The following ASAP2 variants were observed in gnomAD, a reference collection of about 807,000 sequenced individuals.
ASAP2 encodes ArfGAP with SH3 domain, ankyrin repeat and PH domain 2.
Under a neutral mutation model 131.4 loss-of-function variants are expected in ASAP2, and 45 were observed. The ratio of observed to expected loss-of-function variants is 0.34; its 90% CI spans 0.27 to 0.44. The LOEUF is 0.44. ASAP2 is among the 20% of genes least tolerant of loss of function. The probability of loss-of-function intolerance (pLI) is 1.00; values close to 1 mark genes in which losing one functional copy is unlikely to be tolerated. For synonymous variants in ASAP2, 510 were observed against 503.0 expected (o/e 1.01, Z -0.19); for missense variants, 1,011 against 1,297.0 (o/e 0.78, Z 3.39).
rs1669316061 is a variant in ASAP2, at chr2:9,311,747, A to T, written c.346-6777A>T. Among the ~76,000 whole-genome samples the T allele has an allele frequency of 6.6e-6, 1 of 152,132 alleles. No homozygotes were observed. Among genetic ancestry groups the T allele is most frequent in the Admixed American group, 6.5e-5 (1 of 15,276 alleles). ...TGCTGGACACACAGAGGAAGCCCAGAGCCTGCCCGCCACTCAGGCTGCAGG... is the reference window on the plus strand; with the variant it reads ...TGCTGGACACACAGAGGAAGCCCAGTGCCTGCCCGCCACTCAGGCTGCAGG... On this transcript the variant is annotated intron_variant, in intron 3 of 27. Coordinates refer to ENST00000281419, the MANE Select transcript of ASAP2 (RefSeq NM_003887.3). The surrounding 1 kb of genome is among the most constrained non-coding windows in gnomAD (Gnocchi z 5.2).
chr2:9,397,750 A>ATATATATTTT (rs1343127000), intron 24 of ASAP2, among the ~76,000 whole-genome samples: 2 of 44,810 alleles, frequency 4.5e-5, no homozygotes, highest in African/African-American at 3.4e-4. Flanking sequence ...ATATATATAT[A>ATATATATTTT]TTTTTTTTTT....
At chr2:9,331,233 C>T (rs187439353) in intron 7 of ASAP2, among the ~76,000 whole-genome samples, 15 of 152,374 alleles carry the variant, frequency 9.8e-5, no homozygotes, top group Admixed American at 9.8e-4. Flanking sequence ...TCAGGTTTGG[C>T]TGTTGACCCT....
chr2:9,396,137 T>C (rs1676130399), intron 24 of ASAP2, among the ~76,000 whole-genome samples: 1 of 152,164 alleles, frequency 6.6e-6, no homozygotes, highest in Non-Finnish European at 1.5e-5. Context: ...CTCAGACAGA[T>C]TTTTGGCTAA....
chr2:9,259,480 G>A (rs1665424848), intron 1 of ASAP2, among the ~76,000 whole-genome samples: 1 of 152,220 alleles, frequency 6.6e-6, no homozygotes, highest in Admixed American at 6.5e-5. Context: ...CCTCAGCCTG[G>A]CTTGTACCTC....
At chr2:9,286,945 G>C (rs1667506963) in intron 2 of ASAP2, among the ~76,000 whole-genome samples, 1 of 152,216 alleles carries the variant, frequency 6.6e-6, no homozygotes, top group South Asian at 2.1e-4. Context: ...TGAGGTATTT[G>C]TTAGAATATT....
intron 7 of ASAP2, among the ~76,000 whole-genome samples, chr2:9,328,112 T>C (rs1670595571): frequency 6.6e-6 from 1 of 152,166 alleles, no homozygotes; most frequent in East Asian, 1.9e-4. Flanking sequence ...CCATGTACTG[T>C]ATGATCCCAT....
chr2:9,252,914 C>A (rs1208881997), intron 1 of ASAP2, among the ~76,000 whole-genome samples: 416 of 108,068 alleles, frequency 3.8e-3, no homozygotes, highest in East Asian at 0.012. Flanking sequence ...GACTCCGTCT[C>A]AAAAAAAAAA....
chr2:9,372,381 G>C (rs1674048205), intron 16 of ASAP2, among the ~76,000 whole-genome samples: 1 of 152,144 alleles, frequency 6.6e-6, no homozygotes, highest in African/African-American at 2.4e-5. Flanking sequence ...ACAGAATCCA[G>C]TTTCCCTTTA....
At chr2:9,398,308 G>A (rs1676348078) in intron 24 of ASAP2, among the ~76,000 whole-genome samples, 2 of 151,644 alleles carry the variant, frequency 1.3e-5, no homozygotes, top group African/African-American at 4.8e-5. Context: ...CTAGGAGTTC[G>A]AGACCAGGCT....
intron 1 of ASAP2, among the ~76,000 whole-genome samples, chr2:9,253,889 G>A (rs56323641): frequency 0.023 from 3,486 of 151,994 alleles, 138 homozygotes; most frequent in African/African-American, 0.079. Context: ...TTGAGAAAGA[G>A]ACCACATTCA....
At chr2:9,276,283 C>T (rs1666755649) in intron 1 of ASAP2, among the ~76,000 whole-genome samples, 1 of 152,088 alleles carries the variant, frequency 6.6e-6, no homozygotes. Flanking sequence ...GAGGCCTTCT[C>T]AGGAGAGAGG....
At chr2:9,372,795 C>A (rs796136992) in intron 16 of ASAP2, among the ~76,000 whole-genome samples, 1 of 152,032 alleles carries the variant, frequency 6.6e-6, no homozygotes, top group Non-Finnish European at 1.5e-5. Flanking sequence ...CACTGTGGGA[C>A]GCAGTCACAC....
At chr2:9,357,846 G>A (rs1229186372) in intron 14 of ASAP2, among the ~76,000 whole-genome samples, 1 of 152,164 alleles carries the variant, frequency 6.6e-6, no homozygotes, top group Non-Finnish European at 1.5e-5. Context: ...GACTAAAGTT[G>A]CGATATTTAC....
chr2:9,331,835 T>C (rs1006190497), intron 7 of ASAP2, among the ~76,000 whole-genome samples: 36 of 151,962 alleles, frequency 2.4e-4, no homozygotes, highest in African/African-American at 7.0e-4. Flanking sequence ...TTTGAGCCAA[T>C]ACCTGCTGGA....
chr2:9,372,420 T>C (rs916285439), intron 16 of ASAP2, among the ~76,000 whole-genome samples: 1 of 152,172 alleles, frequency 6.6e-6, no homozygotes, highest in African/African-American at 2.4e-5. Flanking sequence ...AAATCCTGAA[T>C]GTTCCAGAAA....
At position 9,315,108 on chromosome 2, in the gene ASAP2, G is replaced by A. The variant is rs1207447667; in HGVS notation, c.346-3416G>A. ...CGAATAGAACAAATTGAGCACATGC[G>A]TAGAATCAGGGAAGGAGAGAGTTCA... On this transcript the variant is annotated intron_variant, in intron 3 of 27. Coordinates refer to ENST00000281419, the MANE Select transcript of ASAP2 (RefSeq NM_003887.3). Among the ~76,000 whole-genome samples the A allele has an allele frequency of 3.3e-5, 5 of 152,132 alleles. 1 individual carries two copies. The highest frequency in any genetic ancestry group is 4.1e-4 in the South Asian group (2 of 4,828).
chr2:9,374,843 A>G lies in ASAP2; in HGVS notation c.1645A>G (p.Ser549Gly), dbSNP rs1674267328. 6 of 1,614,218 alleles carry G rather than the reference A, an allele frequency of 3.7e-6. No homozygotes were observed. Among genetic ancestry groups the G allele is most frequent in the Middle Eastern group, 1.7e-4 (1 of 6,060 alleles). Residue 549 changes from serine to glycine, a missense_variant, in exon 17 of 28, where the codon AGT (serine) becomes GGT (glycine). Physicochemically the swap from Ser to Gly is moderately conservative, Grantham distance 56. Around this residue, in one of 2 missense-constraint regions of ASAP2, gnomAD observed 652 missense variants for 698.9 expected, o/e 0.93. Transcript: ENST00000281419. ...CGCGGATAACGCGGCGAAGCTTCAC[A>G]GTCTTTGCGAGGCCGTCAAAACGAG... ...KHADNAAKLH[S>G]LCEAVKTRDI...
At chr2:9,330,673 A>G (rs1412715982) in intron 7 of ASAP2, among the ~76,000 whole-genome samples, 2 of 152,146 alleles carry the variant, frequency 1.3e-5, no homozygotes, top group African/African-American at 4.8e-5. Context: ...TGAGCATGCA[A>G]ATTACTTCTA....
chr2:9,216,438 C>T (rs1294189459), intron 1 of ASAP2, among the ~76,000 whole-genome samples: 1 of 150,976 alleles, frequency 6.6e-6, no homozygotes, highest in African/African-American at 2.4e-5. Flanking sequence ...AGGTGTGCCC[C>T]ACCATGCCTG....
Sources: gnomAD v4.1 joint callset for allele counts (sites outside exome capture counted in the v4.1 genomes callset) on GRCh38, gnomAD v4.1.1 for gene constraint, gnomAD v4.1.1 regional missense constraint, Gnocchi (gnomAD v3.1) non-coding constraint, MANE v1.5 for transcripts, NCBI Gene and HGNC (gene_info 2026-07-23, HGNC 2026-07-21) for gene names.